ADGRF5: variants seen among roughly 807,000 people sequenced by gnomAD.
The protein encoded by ADGRF5 is G-protein coupled receptor 116.
In ADGRF5, 75 loss-of-function variants were observed where a neutral mutation model predicts 132.3. The observed-to-expected ratio is 0.57, with a 90% CI of 0.47 to 0.69. ADGRF5 has a LOEUF of 0.69. Ranked by LOEUF, ADGRF5 falls within the 30% of genes least tolerant of loss-of-function variation. The pLI is 0.00. For synonymous variants in ADGRF5, 629 were observed against 597.6 expected, an observed-to-expected ratio of 1.05 and a Z score of -0.77; for missense variants, 1,516 against 1,630.6, an observed-to-expected ratio of 0.93 and a Z score of 1.21.
At chr6:46,857,113 A>AG (rs1378010795) in intron 17 of ADGRF5, among the ~76,000 whole-genome samples, 1 of 152,132 alleles carries the variant, frequency 6.6e-6, no homozygotes, top group African/African-American at 2.4e-5. Flanking sequence ...TTAGGAAGAT[A>AG]TTTTCTATTT....
intron 5 of ADGRF5, among the ~76,000 whole-genome samples, 163 bp downstream of exon 5, chr6:46,883,932 G>T (rs764516277): frequency 7.2e-5 from 11 of 152,166 alleles, no homozygotes; most frequent in Admixed American, 6.5e-5. Context: ...AGTAGAGGCA[G>T]GGTTTCACCA....
chr6:46,858,755 G>A lies in ADGRF5; in HGVS notation c.3148C>T (p.Arg1050Cys). The A allele has an allele frequency of 2.5e-6, 4 of 1,614,072 alleles. No homozygotes were observed. The highest frequency in any genetic ancestry group is 1.1e-5 in the South Asian group (1 of 91,068). ...SVTKNRTSYMRHTCIVNIAAS... is the reference protein window; with the variant it reads ...SVTKNRTSYMCHTCIVNIAAS... ...GCGATATTCACTATGCAGGTGTGGC[G>A]CATATAAGAAGTCCGGTTCTTGGTC... The change falls in exon 17 of 21, where the codon CGC becomes TGC. Residue 1050 changes from arginine (R) to cysteine (C), a missense_variant. Transcript: ENST00000283296.
intron 11 of ADGRF5, among the ~76,000 whole-genome samples, chr6:46,869,906 TCA>T (rs1770859812): frequency 6.6e-6 from 1 of 152,098 alleles, no homozygotes; most frequent in Admixed American, 6.6e-5. Context: ...AAGAAGCTTC[TCA>T]CAGGTTCATG....
chr6:46,890,581 G>A (rs1257874567), intron 3 of ADGRF5, among the ~76,000 whole-genome samples: 1 of 151,990 alleles, frequency 6.6e-6, no homozygotes, highest in Admixed American at 6.5e-5. Context: ...GCTGGGCATG[G>A]TGGCGTGTGC....
intron 3 of ADGRF5, among the ~76,000 whole-genome samples, chr6:46,893,853 C>T (rs1773908032): frequency 6.6e-6 from 1 of 152,208 alleles, no homozygotes; most frequent in South Asian, 2.1e-4. Flanking sequence ...TTCCCCTCTC[C>T]TTTCCCATAA....
intron 17 of ADGRF5, among the ~76,000 whole-genome samples, chr6:46,857,137 T>C (rs1769147368): frequency 6.6e-6 from 1 of 152,270 alleles, no homozygotes; most frequent in Non-Finnish European, 1.5e-5. Flanking sequence ...AATTTTCCTT[T>C]AGTTGAAAAC....
At chr6:46,879,683 G>C (rs1037282049) in intron 9 of ADGRF5, 135 bp downstream of exon 9, 3 of 668,374 alleles carry the variant, frequency 4.5e-6, no homozygotes, top group Non-Finnish European at 8.0e-6. Context: ...TTTCAGTTTT[G>C]AAAGGTTGAA....
intron 3 of ADGRF5, among the ~76,000 whole-genome samples, chr6:46,896,195 A>G (rs907392173): frequency 6.7e-6 from 1 of 148,304 alleles, no homozygotes; most frequent in East Asian, 2.0e-4. Flanking sequence ...TTCATCAGTC[A>G]CCTCTCTGTG....
chr6:46,920,471 A>G (rs1455853422), intron 1 of ADGRF5, among the ~76,000 whole-genome samples: 1 of 146,868 alleles, frequency 6.8e-6, no homozygotes, highest in Non-Finnish European at 1.5e-5. Context: ...GCTCAGAAGA[A>G]CAGAAAATAA....
At chr6:46,938,611 G>A (rs1777935646) in intron 1 of ADGRF5, among the ~76,000 whole-genome samples, 1 of 152,204 alleles carries the variant, frequency 6.6e-6, no homozygotes, top group African/African-American at 2.4e-5. Flanking sequence ...CTAGGTTGCA[G>A]AGATTCACAT....
intron 5 of ADGRF5, 143 bp downstream of exon 5, chr6:46,883,952 G>A: frequency 1.3e-6 from 1 of 752,462 alleles, no homozygotes; most frequent in Non-Finnish European, 2.2e-6. Flanking sequence ...ATGTTGGCCA[G>A]GCTGCTGTCA....
At chr6:46,856,134 G>A (rs1769020361) in intron 19 of ADGRF5, 76 bp from the exon 20 acceptor site, 1 of 817,642 alleles carries the variant, frequency 1.2e-6, no homozygotes, top group African/African-American at 1.7e-5. Context: ...TAGAAGGATT[G>A]ATTTTCCACC....
rs79190166 is a variant in ADGRF5 at position 46,950,960 on chromosome 6, G to A, written c.-25+3774C>T. On this transcript the variant is annotated intron_variant, in intron 1 of 20. Transcript: ENST00000265417. Reference sequence around the variant, plus strand: ...GTTCAAGACAGGAGATTAAAAACCAGGTCTGCCTCTTTCTAGCCCACAACA... The same window carrying A: ...GTTCAAGACAGGAGATTAAAAACCAAGTCTGCCTCTTTCTAGCCCACAACA... Among the ~76,000 whole-genome samples, 5 of 152,190 alleles carry A rather than the reference G, an allele frequency of 3.3e-5. No homozygotes were observed. In the South Asian group the frequency reaches 8.3e-4, roughly 25 times the overall value.
intron 15 of ADGRF5, 128 bp downstream of exon 15, chr6:46,862,760 T>C (rs954147942): frequency 5.7e-5 from 17 of 297,800 alleles, no homozygotes; most frequent in Non-Finnish European, 9.9e-5. Context: ...CCTTTGGAAA[T>C]ACACAAATAA....
intron 2 of ADGRF5, among the ~76,000 whole-genome samples, chr6:46,900,520 T>G (rs1774644632): frequency 8.0e-6 from 1 of 125,326 alleles, no homozygotes; most frequent in Admixed American, 7.6e-5. Flanking sequence ...CCTGCTGTAT[T>G]AGGGCTCTTT....
At chr6:46,889,213 T>C (rs192240676) in intron 3 of ADGRF5, among the ~76,000 whole-genome samples, 1 of 146,540 alleles carries the variant, frequency 6.8e-6, no homozygotes, top group Non-Finnish European at 1.5e-5. Flanking sequence ...ATAAAATATA[T>C]AGAGAGAGTA....
chr6:46,914,457 T>A (rs1016165066), intron 1 of ADGRF5, among the ~76,000 whole-genome samples: 2 of 152,188 alleles, frequency 1.3e-5, no homozygotes, highest in Admixed American at 1.3e-4. Flanking sequence ...AAGACATTTT[T>A]TTTCCTATTT....
At position 46,868,906 on chromosome 6, in the gene ADGRF5, T is replaced by G. The variant is rs752684192; in HGVS notation, c.1598A>C (p.Lys533Thr). Residue 533 changes from lysine (K) to threonine (T), a missense_variant, in exon 12 of 21, where the codon AAG becomes ACG. Coordinates refer to ENST00000283296, the MANE Select transcript of ADGRF5 (RefSeq NM_001098518.2). Reference protein sequence around the residue: ...LDGAESVLTVKTSTREWNGTY... With the variant: ...LDGAESVLTVTTSTREWNGTY... ...ACCATTCCACTCCCTGGTCGAGGTC[T>G]TGACTGTCAGTACTGATTCTGCTCC... 4 of 1,612,388 alleles carry G rather than the reference T, an allele frequency of 2.5e-6. No individual in the cohort carries two copies. The Admixed American group carries it at 6.7e-5, about 27-fold the overall frequency.
At chr6:46,952,896 C>A (rs1415427835) in intron 1 of ADGRF5, among the ~76,000 whole-genome samples, 1 of 152,044 alleles carries the variant, frequency 6.6e-6, no homozygotes, top group African/African-American at 2.4e-5. Flanking sequence ...ACCTGAGAAC[C>A]GCTTAGTAGA....
Sources: gnomAD v4.1 joint callset for allele counts (sites outside exome capture counted in the v4.1 genomes callset) on GRCh38, gnomAD v4.1.1 for gene constraint, MANE v1.5 for transcripts, NCBI Gene and HGNC (gene_info 2026-07-23, HGNC 2026-07-21) for gene names.